Variants in CRK observed in about 807,000 individuals in gnomAD.
CRK encodes CRK proto-oncogene, adaptor protein.
Under a neutral mutation model 29.8 loss-of-function variants are expected in CRK, and 4 were observed. That is an observed-to-expected ratio of 0.13 (90% confidence interval 0.07 to 0.31). CRK has a LOEUF of 0.31. Among genes scored for constraint, CRK ranks in the 10% least tolerant of loss-of-function variants. CRK has a pLI of 1.00. For synonymous variants in CRK, 153 were observed against 164.9 expected (o/e 0.93, Z 0.55); for missense variants, 274 against 396.5 (o/e 0.69, Z 2.62).
chr17:1,434,547 C>T (rs983100871), intron 2 of CRK, among the ~76,000 whole-genome samples: 3 of 152,180 alleles, frequency 2.0e-5, no homozygotes, highest in African/African-American at 7.2e-5. Context: ...CTTTGGGAGG[C>T]TGAGGCGGGT....
At chr17:1,432,717 C>T (rs1227991978) in intron 2 of CRK, among the ~76,000 whole-genome samples, 1 of 145,048 alleles carries the variant, frequency 6.9e-6, no homozygotes, top group Non-Finnish European at 1.5e-5. Context: ...GCGGAGCTTG[C>T]AGTGCGCCGA....
At chr17:1,446,863 G>C (rs1156448832) in intron 1 of CRK, among the ~76,000 whole-genome samples, 1 of 152,158 alleles carries the variant, frequency 6.6e-6, no homozygotes, top group Non-Finnish European at 1.5e-5. Flanking sequence ...AAAGTGCTGG[G>C]ATTACAGGCG....
chr17:1,455,356 C>A lies in CRK; in HGVS notation c.241+521G>T, dbSNP rs368678990. On this transcript the variant is annotated intron_variant, in intron 1 of 2. Coordinates refer to ENST00000300574, the MANE Select transcript of CRK (RefSeq NM_016823.4). The stretch of plus-strand genomic sequence containing the variant: ...ATGCCCAAGAAAGGAAAAAATTGAC[C>A]GGTTTCCTGAGGGTGTCTCCATCCC... Among the ~76,000 whole-genome samples, 3 of 152,258 alleles carry A rather than the reference C, an allele frequency of 2.0e-5. No individual in the cohort carries two copies. In the South Asian group the frequency reaches 6.2e-4, roughly 32 times the overall value.
intron 1 of CRK, among the ~76,000 whole-genome samples, chr17:1,443,966 C>T (rs1229186154): frequency 6.6e-6 from 1 of 151,462 alleles, no homozygotes; most frequent in African/African-American, 2.4e-5. Context: ...TCCCAAAGTG[C>T]TGGGATTACA....
At chr17:1,424,077 T>TTC (rs1000777839) in intron 2 of CRK, among the ~76,000 whole-genome samples, 1 of 148,940 alleles carries the variant, frequency 6.7e-6, no homozygotes, top group Admixed American at 6.7e-5. Context: ...GTTTTTTTTT[T>TTC]TTTTTTTTTT....
chr17:1,421,843 A>G lies in CRK; in HGVS notation c.*1670T>C, dbSNP rs2073728046. ...TCCAAAATGAGGTCCAAAGCAAACTATAAGGTGTTTCTATTGGTCATACCA... is the reference window on the plus strand; with the variant it reads ...TCCAAAATGAGGTCCAAAGCAAACTGTAAGGTGTTTCTATTGGTCATACCA... On this transcript the variant is annotated 3_prime_UTR_variant, in exon 3 of 3. Coordinates refer to ENST00000300574, the MANE Select transcript of CRK (RefSeq NM_016823.4). 6.6e-6 allele frequency: 1 copy of G among 152,232 alleles called. No individual in the cohort carries two copies. 9.4% of individuals were successfully genotyped at this position (152,232 alleles called of 1,614,324 possible).
intron 1 of CRK, among the ~76,000 whole-genome samples, chr17:1,455,529 C>T (rs1335745493): frequency 6.6e-6 from 1 of 152,184 alleles, no homozygotes; most frequent in South Asian, 2.1e-4. Flanking sequence ...CCAAGTGATG[C>T]CCCCGCAGTG....
At chr17:1,430,652 A>G (rs889485695) in intron 2 of CRK, among the ~76,000 whole-genome samples, 4 of 149,124 alleles carry the variant, frequency 2.7e-5, no homozygotes, top group East Asian at 4.1e-4. Context: ...GGCGTGAGCC[A>G]CCACACCCAG....
At chr17:1,447,876 CA>C (rs2073987154) in intron 1 of CRK, among the ~76,000 whole-genome samples, 1 of 152,158 alleles carries the variant, frequency 6.6e-6, no homozygotes, top group Non-Finnish European at 1.5e-5. Flanking sequence ...CTCAGCCTCC[CA>C]AAGTGCTGGG....
At chr17:1,427,647 TGA>T (rs1306254925) in intron 2 of CRK, among the ~76,000 whole-genome samples, 7 of 151,816 alleles carry the variant, frequency 4.6e-5, no homozygotes, top group African/African-American at 1.5e-4. Flanking sequence ...TTTGTTTGTT[TGA>T]GAGAGAGTCT....
chr17:1,450,263 C>T (rs1158935324), intron 1 of CRK, among the ~76,000 whole-genome samples: 1 of 152,098 alleles, frequency 6.6e-6, no homozygotes, highest in East Asian at 1.9e-4. Flanking sequence ...AATCCCAGCA[C>T]TTTGGGAGGC....
At chr17:1,436,554 C>T in intron 2 of CRK, 66 bp downstream of exon 2, 1 of 1,509,924 alleles carries the variant, frequency 6.6e-7, no homozygotes, top group South Asian at 1.3e-5. Context: ...TGCTACAAAG[C>T]TCTAAGAGGA....
intron 1 of CRK, 44 bp from the exon 2 acceptor site, chr17:1,437,199 T>C: frequency 1.3e-6 from 2 of 1,515,510 alleles, no homozygotes; most frequent in Non-Finnish European, 1.8e-6. Flanking sequence ...TGTACTACAC[T>C]GGAAATGAAA....
intron 1 of CRK, among the ~76,000 whole-genome samples, chr17:1,449,791 C>T (rs1474821302): frequency 6.6e-6 from 1 of 152,172 alleles, no homozygotes; most frequent in African/African-American, 2.4e-5. Flanking sequence ...CCAGGGAACT[C>T]CCAAGCTATG....
At chr17:1,430,383 G>A (rs914668733) in intron 2 of CRK, among the ~76,000 whole-genome samples, 10 of 140,148 alleles carry the variant, frequency 7.1e-5, no homozygotes, top group African/African-American at 2.2e-4. Context: ...TTGAGACAGA[G>A]TCTCGCTCTG....
intron 2 of CRK, among the ~76,000 whole-genome samples, chr17:1,436,008 A>ATGACATC (rs2150905425): frequency 6.6e-6 from 1 of 152,296 alleles, no homozygotes; most frequent in African/African-American, 2.4e-5. Flanking sequence ...TTCATCAGTA[A>ATGACATC]AGGCAAAAAT....
chr17:1,452,015 T>C (rs1335167978), intron 1 of CRK, among the ~76,000 whole-genome samples: 3 of 151,820 alleles, frequency 2.0e-5, no homozygotes, highest in Non-Finnish European at 2.9e-5. Context: ...AAACACCAAG[T>C]CTTAGACTCC....
At chr17:1,430,362 A>G (rs534695958) in intron 2 of CRK, among the ~76,000 whole-genome samples, 2 of 144,030 alleles carry the variant, frequency 1.4e-5, no homozygotes, top group Non-Finnish European at 3.0e-5. Context: ...TCTGATTATT[A>G]GTATTATTTT....
Position 1,444,700 on chromosome 17 carries a change from TCTC to T in CRK, c.242-7548_242-7546del, listed in dbSNP as rs1292042481. Among the ~76,000 whole-genome samples the T allele has an allele frequency of 6.8e-5, 10 of 146,938 alleles. No homozygotes were observed. The Admixed American group carries it at 6.9e-4, about 10-fold the overall frequency. On this transcript the variant is annotated intron_variant, in intron 1 of 2. Transcript: ENST00000300574. ...AAATACAAAATTAGCCAGGCGTGAG[TCTC>T]ATGCCTGTAATCCCAGCTACTTGGG...
Sources: gnomAD v4.1 joint callset for allele counts (sites outside exome capture counted in the v4.1 genomes callset) on GRCh38, gnomAD v4.1.1 for gene constraint, MANE v1.5 for transcripts, NCBI Gene and HGNC (gene_info 2026-07-23, HGNC 2026-07-21) for gene names.